Variants in RORA observed in about 807,000 individuals in gnomAD.
RORA encodes nuclear receptor ROR-alpha.
RORA carries 7 observed loss-of-function variants against 69.5 expected under a neutral mutation model. The observed-to-expected ratio is 0.10, with a 90% CI of 0.06 to 0.19. The LOEUF is 0.19. RORA is among the 10% of genes least tolerant of loss of function. The probability of loss-of-function intolerance (pLI) is 1.00; values close to 1 mark genes in which losing one functional copy is unlikely to be tolerated. For synonymous variants in RORA, 261 were observed against 240.8 expected (o/e 1.08, Z -0.78); for missense variants, 457 against 663.0 (o/e 0.69, Z 3.41).
chr15:60,767,715 C>G (rs1450308839), intron 1 of RORA, among the ~76,000 whole-genome samples: 4 of 152,152 alleles, frequency 2.6e-5, no homozygotes, highest in African/African-American at 9.7e-5. Context: ...TATTCTATTC[C>G]CTGTCCTCAC....
chr15:60,619,040 G>T (rs115445089), intron 2 of RORA, among the ~76,000 whole-genome samples: 1 of 152,318 alleles, frequency 6.6e-6, no homozygotes, highest in East Asian at 1.9e-4. Flanking sequence ...TGTACAAAAG[G>T]TTAAAACTTG....
intron 1 of RORA, among the ~76,000 whole-genome samples, chr15:60,981,885 T>C (rs1894054462): frequency 6.6e-6 from 1 of 152,194 alleles, no homozygotes; most frequent in Admixed American, 6.5e-5. Flanking sequence ...GCATGCTTTG[T>C]AATTTTCTAA....
At chr15:60,645,102 C>G (rs559283562) in intron 2 of RORA, among the ~76,000 whole-genome samples, 6 of 152,116 alleles carry the variant, frequency 3.9e-5, no homozygotes, top group Non-Finnish European at 7.4e-5. Flanking sequence ...CACTGTAATT[C>G]CAAAATCTCT....
At chr15:60,631,429 C>A (rs532943254) in intron 2 of RORA, among the ~76,000 whole-genome samples, 1 of 152,276 alleles carries the variant, frequency 6.6e-6, no homozygotes, top group Non-Finnish European at 1.5e-5. Context: ...GGTATCTGAC[C>A]CAGACTCCTA....
intron 1 of RORA, among the ~76,000 whole-genome samples, chr15:61,146,113 A>C (rs1438781016): frequency 2.0e-5 from 3 of 152,202 alleles, no homozygotes; most frequent in Non-Finnish European, 4.4e-5. Flanking sequence ...CCTTTTTACA[A>C]TATTTTAATC....
At chr15:60,777,710 C>T (rs995082654) in intron 1 of RORA, among the ~76,000 whole-genome samples, 1 of 152,110 alleles carries the variant, frequency 6.6e-6, no homozygotes, top group Non-Finnish European at 1.5e-5. Flanking sequence ...GAAAGAGTCC[C>T]CTCATGCAGC....
chr15:60,612,649 C>G (rs11855220), intron 2 of RORA, among the ~76,000 whole-genome samples: 43,955 of 144,876 alleles, frequency 0.3, 7,155 homozygotes, highest in East Asian at 0.48. Context: ...GAATCTCTCT[C>G]TCTCTCTCTC....
intron 1 of RORA, among the ~76,000 whole-genome samples, chr15:60,813,442 G>GTGTC (rs142095104): frequency 0.064 from 9,764 of 152,240 alleles, 408 homozygotes; most frequent in African/African-American, 0.094. Context: ...AAATCTGTGT[G>GTGTC]CTTAGCTCTC....
chr15:61,088,167 T>C (rs978085775), intron 1 of RORA, among the ~76,000 whole-genome samples: 1 of 152,196 alleles, frequency 6.6e-6, no homozygotes, highest in Admixed American at 6.5e-5. Flanking sequence ...CTATGAAATA[T>C]GACATGGTTA....
rs952693376 is a variant in RORA at position 60,532,930 on chromosome 15, C to T, written c.197-1079G>A. ...CTATTTCATTTCTGTACAGCCCTTA[C>T]CTAGCCCCAGACCTTACACAGAGTA... On this transcript the variant is annotated intron_variant, in intron 2 of 10. Coordinates refer to ENST00000335670, the MANE Select transcript of RORA (RefSeq NM_134261.3). Among the ~76,000 whole-genome samples, 26 of 152,172 alleles carry T rather than the reference C, an allele frequency of 1.7e-4. No homozygotes were observed. In the South Asian group the frequency reaches 1.9e-3, roughly 11 times the overall value.
At chr15:60,866,855 C>CTATCTATCTATCTATCTATCTAT (rs55912042) in intron 1 of RORA, among the ~76,000 whole-genome samples, 3 of 90,520 alleles carry the variant, frequency 3.3e-5, no homozygotes, top group Non-Finnish European at 5.0e-5. Context: ...TATCTATCTA[C>CTATCTATCTATCTATCTATCTAT]CTACCTACCT....
chr15:60,903,989 A>T (rs1891462820), intron 1 of RORA, among the ~76,000 whole-genome samples: 1 of 152,162 alleles, frequency 6.6e-6, no homozygotes, highest in Admixed American at 6.5e-5. Context: ...AACAATCCTC[A>T]GGTTGCTATG....
intron 1 of RORA, among the ~76,000 whole-genome samples, chr15:60,970,942 C>T (rs1395252032): frequency 1.3e-5 from 2 of 152,160 alleles, no homozygotes; most frequent in African/African-American, 4.8e-5. Context: ...TCCTGAGCCA[C>T]GTGCAATCAT....
chr15:60,511,536 G>A lies in RORA; in HGVS notation c.510C>T (p.Arg170=), dbSNP rs750243770. 5.6e-6 allele frequency: 9 copies of A among 1,614,164 alleles called. No homozygotes were observed. Among genetic ancestry groups the A allele is most frequent in the South Asian group, 5.5e-5 (5 of 91,084 alleles). ...CCTCTCCAGGCTGCTGCTGGTGGTC[G>A]CGCTGCTGCTGCTGCATCCGGTGTT... ...VQKHRMQQQQ[R]DHQQQPGEAE... The change falls in exon 5 of 11, where the codon CGC becomes CGT. Residue 170 remains arginine, a synonymous_variant. Coordinates refer to ENST00000335670, the MANE Select transcript of RORA (RefSeq NM_134261.3). This position sits in a 1 kb window ranked among gnomAD's most constrained non-coding sequence, Gnocchi z 6.4.
Position 60,531,300 on chromosome 15 carries a change from A to G in RORA, c.282+466T>C, listed in dbSNP as rs146017589. 311 of 160,272 alleles carry G rather than the reference A, an allele frequency of 1.9e-3. No homozygotes were observed. Among genetic ancestry groups the G allele is most frequent in the Non-Finnish European group, 3.1e-3 (228 of 74,156 alleles). 9.9% of individuals were successfully genotyped at this position (160,272 alleles called of 1,614,324 possible). A position where few individuals can be genotyped will look rare whatever the true frequency, so the allele number is the denominator to read the frequency against. On this transcript the variant is annotated intron_variant, in intron 3 of 10. Coordinates refer to ENST00000335670, the MANE Select transcript of RORA (RefSeq NM_134261.3). The surrounding 1 kb of genome is among the most constrained non-coding windows in gnomAD (Gnocchi z 4.8). Reference sequence around the variant, plus strand: ...AACAATATGGACAAGTGGAGGCAATAGGACTGGAACTCAGGTCTTCCTGAT... The same window carrying G: ...AACAATATGGACAAGTGGAGGCAATGGGACTGGAACTCAGGTCTTCCTGAT...
At chr15:60,567,531 C>T (rs2067752368) in intron 2 of RORA, among the ~76,000 whole-genome samples, 1 of 152,022 alleles carries the variant, frequency 6.6e-6, no homozygotes. Context: ...CTGCCTCAGC[C>T]TCCCGAATAG....
At chr15:60,809,042 G>A (rs917587958) in intron 1 of RORA, among the ~76,000 whole-genome samples, 2 of 151,988 alleles carry the variant, frequency 1.3e-5, no homozygotes, top group African/African-American at 2.4e-5. Context: ...GGGTGGCGAC[G>A]GATAAAAGAC....
At chr15:60,685,572 A>T (rs976202686) in intron 1 of RORA, among the ~76,000 whole-genome samples, 1 of 152,234 alleles carries the variant, frequency 6.6e-6, no homozygotes, top group Non-Finnish European at 1.5e-5. Flanking sequence ...CAGCCCGAGT[A>T]GGGCCTCGCC....
At chr15:60,957,867 G>A (rs532391720) in intron 1 of RORA, among the ~76,000 whole-genome samples, 49 of 152,192 alleles carry the variant, frequency 3.2e-4, no homozygotes, top group South Asian at 4.2e-4. Flanking sequence ...ATCATATTAT[G>A]TCCCGTACTT....
Sources: allele counts gnomAD v4.1 joint callset (sites outside exome capture counted in the v4.1 genomes callset), GRCh38; gene constraint gnomAD v4.1.1; non-coding constraint Gnocchi (gnomAD v3.1); transcripts MANE v1.5; gene names NCBI Gene and HGNC (gene_info 2026-07-23, HGNC 2026-07-21).